NPAS3: variants seen among roughly 807,000 people sequenced by gnomAD.
NPAS3 encodes neuronal PAS domain protein 3.
Under a neutral mutation model 73.1 loss-of-function variants are expected in NPAS3, and 14 were observed. The ratio of observed to expected loss-of-function variants is 0.19; its 90% CI spans 0.13 to 0.30. The LOEUF (loss-of-function observed/expected upper bound fraction) is 0.30. NPAS3 is among the 10% of genes least tolerant of loss of function. The pLI is 1.00. For synonymous variants in NPAS3, 620 were observed against 541.5 expected, an observed-to-expected ratio of 1.14 and a Z score of -2.01; for missense variants, 1,096 against 1,250.0, an observed-to-expected ratio of 0.88 and a Z score of 1.86.
At chr14:33,782,112 A>G (rs916467371) in intron 9 of NPAS3, among the ~76,000 whole-genome samples, 54 of 152,350 alleles carry the variant, frequency 3.5e-4, no homozygotes, top group African/African-American at 1.3e-3. Context: ...CACTGTGACC[A>G]AAGACGTCTG....
intron 4 of NPAS3, among the ~76,000 whole-genome samples, chr14:33,405,800 C>T (rs1054691715): frequency 6.6e-6 from 1 of 152,128 alleles, no homozygotes; most frequent in Admixed American, 6.5e-5. Context: ...CTCAGTTTAG[C>T]AACCTTCTGT....
intron 2 of NPAS3, among the ~76,000 whole-genome samples, chr14:33,210,215 A>G (rs566556658): frequency 6.6e-6 from 1 of 152,324 alleles, no homozygotes; most frequent in South Asian, 2.1e-4. Context: ...TAAGTCATCA[A>G]GTCCAAAGCT....
intron 4 of NPAS3, among the ~76,000 whole-genome samples, chr14:33,410,840 T>A (rs1245828528): frequency 6.6e-6 from 1 of 152,172 alleles, no homozygotes. Flanking sequence ...GAGACAGGAT[T>A]TCACCATGCT....
At chr14:33,606,610 G>A (rs1353773765) in intron 5 of NPAS3, among the ~76,000 whole-genome samples, 1 of 152,088 alleles carries the variant, frequency 6.6e-6, no homozygotes, top group Admixed American at 6.6e-5. Flanking sequence ...GAGGATCATA[G>A]ACCTAACTGT....
rs116938611 is a variant in NPAS3 at position 33,415,488 on chromosome 14, T to G, written c.468+48220T>G. Among the ~76,000 whole-genome samples the G allele has an allele frequency of 7.6e-3, 1,151 of 152,286 alleles. 6 individuals carry two copies. The highest frequency in any genetic ancestry group is 0.011 in the Non-Finnish European group (751 of 68,008). On this transcript the variant is annotated intron_variant, in intron 4 of 11. Transcript: ENST00000356141. ...GAGATTTTTCTGATGTTGTTAATCC[T>G]ATTTTATATTAAACACTTGCTTCAA...
chr14:33,136,764 A>G (rs2043855722), intron 2 of NPAS3, among the ~76,000 whole-genome samples: 1 of 152,212 alleles, frequency 6.6e-6, no homozygotes, highest in Admixed American at 6.5e-5. Flanking sequence ...TGCCTTTGCA[A>G]TACAACAGCA....
chr14:33,105,561 A>T (rs939692923), intron 2 of NPAS3, among the ~76,000 whole-genome samples: 2 of 152,140 alleles, frequency 1.3e-5, no homozygotes, highest in South Asian at 2.1e-4. Flanking sequence ...TTTAAATTAG[A>T]TTACATGGGC....
chr14:33,226,071 C>G (rs1236267855), intron 3 of NPAS3, among the ~76,000 whole-genome samples: 3 of 152,144 alleles, frequency 2.0e-5, no homozygotes, highest in Admixed American at 2.0e-4. Context: ...GATGTATATG[C>G]ATTGTGTATG....
chr14:33,236,377 C>T (rs1294840311), intron 3 of NPAS3, among the ~76,000 whole-genome samples: 1 of 152,074 alleles, frequency 6.6e-6, no homozygotes, highest in Non-Finnish European at 1.5e-5. Flanking sequence ...TTTTACCTCA[C>T]TGTAATTTTA....
intron 4 of NPAS3, among the ~76,000 whole-genome samples, chr14:33,520,072 G>T (rs895348919): frequency 6.6e-6 from 1 of 152,098 alleles, no homozygotes; most frequent in Non-Finnish European, 1.5e-5. Context: ...TTGTTGGATT[G>T]ATCTGCTGAA....
intron 2 of NPAS3, among the ~76,000 whole-genome samples, chr14:33,114,747 A>G (rs2043005680): frequency 6.6e-6 from 1 of 152,276 alleles, no homozygotes; most frequent in South Asian, 2.1e-4. Context: ...TTTGACATTT[A>G]TAGTAGCTGA....
chr14:33,253,661 A>C (rs546192548), intron 3 of NPAS3, among the ~76,000 whole-genome samples: 6 of 152,078 alleles, frequency 3.9e-5, no homozygotes, highest in Non-Finnish European at 8.8e-5. Context: ...ATGTTCCTTA[A>C]TGGACTTTAT....
intron 2 of NPAS3, among the ~76,000 whole-genome samples, chr14:33,090,078 A>C (rs1420270905): frequency 2.6e-5 from 4 of 152,266 alleles, no homozygotes; most frequent in African/African-American, 9.6e-5. Context: ...TGCTAGGAAG[A>C]AACTGCATCA....
intron 3 of NPAS3, among the ~76,000 whole-genome samples, chr14:33,273,703 T>A (rs1247418429): frequency 6.6e-6 from 1 of 152,204 alleles, no homozygotes; most frequent in South Asian, 2.1e-4. Context: ...TTAAAAATGA[T>A]AGATTTGGCT....
At chr14:33,727,466 A>T (rs2061299714) in intron 6 of NPAS3, among the ~76,000 whole-genome samples, 1 of 152,160 alleles carries the variant, frequency 6.6e-6, no homozygotes, top group Non-Finnish European at 1.5e-5. Context: ...CGGTTCTATC[A>T]ACAGTGAAGA....
At chr14:33,078,122 G>C (rs979105278) in intron 2 of NPAS3, among the ~76,000 whole-genome samples, 28 of 151,752 alleles carry the variant, frequency 1.8e-4, no homozygotes, top group African/African-American at 6.8e-4. Context: ...CTGGGCAACA[G>C]AGCAAGACTG....
chr14:33,269,813 A>AG (rs902341894), intron 3 of NPAS3, among the ~76,000 whole-genome samples: 1 of 142,280 alleles, frequency 7.0e-6, no homozygotes, highest in Non-Finnish European at 1.5e-5. Context: ...GGAAGCAGGG[A>AG]GGGGGGTATG....
chr14:33,436,805 G>C (rs1394559309), intron 4 of NPAS3, among the ~76,000 whole-genome samples: 1 of 152,154 alleles, frequency 6.6e-6, no homozygotes, highest in East Asian at 1.9e-4. Context: ...TGCATACATG[G>C]AAACTGTTCA....
rs904182144 is a variant in NPAS3, at chr14:33,580,550, G to C, written c.558+20340G>C. On this transcript the variant is annotated intron_variant, in intron 5 of 11. Coordinates refer to ENST00000356141, the Ensembl canonical transcript of NPAS3. ...GTGTACCCAGCCTGCAGAGGCAGAC[G>C]TACAGCCACGGTAGTTCCCCTCCAT... is the stretch of plus-strand genomic sequence containing the variant. Among the ~76,000 whole-genome samples, 11 of 152,268 alleles carry C rather than the reference G, an allele frequency of 7.2e-5. No homozygotes were observed. In the South Asian group the frequency reaches 8.3e-4, roughly 11 times the overall value.
Sources: allele counts gnomAD v4.1 joint callset (sites outside exome capture counted in the v4.1 genomes callset), GRCh38; gene constraint gnomAD v4.1.1; transcripts MANE v1.5; gene names NCBI Gene and HGNC (gene_info 2026-07-23, HGNC 2026-07-21).